Variants in GRAMD1B observed in about 807,000 individuals in gnomAD.
GRAMD1B encodes GRAM domain containing 1B.
In GRAMD1B, 37 loss-of-function variants were observed where a neutral mutation model predicts 99.7. That is an observed-to-expected ratio of 0.37 (90% CI 0.29 to 0.49). GRAMD1B has a LOEUF of 0.49. GRAMD1B is among the 20% of genes least tolerant of loss of function. GRAMD1B has a pLI of 0.98. For missense variants in GRAMD1B, 888 were observed against 1,009.2 expected, an observed-to-expected ratio of 0.88 and a Z score of 1.63; for synonymous variants, 427 against 387.6, an observed-to-expected ratio of 1.10 and a Z score of -1.19.
At chr11:123,539,405 C>T (rs1944290199) in intron 2 of GRAMD1B, among the ~76,000 whole-genome samples, 1 of 151,364 alleles carries the variant, frequency 6.6e-6, no homozygotes, top group South Asian at 2.1e-4. Context: ...AGTTCAAAAC[C>T]AGCTTAAGCA....
intron 1 of GRAMD1B, among the ~76,000 whole-genome samples, chr11:123,379,271 G>A (rs563328318): frequency 1.3e-5 from 2 of 152,242 alleles, no homozygotes; most frequent in East Asian, 3.9e-4. Context: ...TATTCAAATG[G>A]CATCTGCAAC....
chr11:123,446,921 G>A (rs1349739709), intron 1 of GRAMD1B, among the ~76,000 whole-genome samples: 3 of 151,180 alleles, frequency 2.0e-5, no homozygotes, highest in Admixed American at 2.0e-4. Flanking sequence ...AGAAAGAAAA[G>A]AAAAGAAAGG....
In GRAMD1B at chr11:123,577,482, G is replaced by T. The variant is rs748022861; in HGVS notation, c.568G>T (p.Asp190Tyr). The T allele has an allele frequency of 1.2e-5, 19 of 1,604,436 alleles. No homozygotes were observed. The highest frequency in any genetic ancestry group is 1.6e-5 in the Non-Finnish European group (19 of 1,175,732). The part of the protein sequence containing the change: ...DGDTMVEKGS[D>Y]HSSDKSPSTP... ...AGACACCATGGTGGAGAAGGGCTCA[G>T]ATCACTCCTCGGACAAGTCCCCGTC... Residue 190 changes from aspartate (D) to tyrosine (Y), a missense_variant, in exon 3 of 20, where the codon GAT becomes TAT. Asp to Tyr is a radical substitution (Grantham distance 160, BLOSUM62 -3). Transcript: ENST00000635736.
intron 1 of GRAMD1B, among the ~76,000 whole-genome samples, chr11:123,436,771 A>G (rs1394640902): frequency 1.3e-5 from 2 of 152,084 alleles, no homozygotes; most frequent in Non-Finnish European, 2.9e-5. Context: ...TTTTTATTAT[A>G]CTTTAAGTTT....
intron 2 of GRAMD1B, among the ~76,000 whole-genome samples, chr11:123,485,387 C>G (rs1951835019): frequency 6.6e-6 from 1 of 152,202 alleles, no homozygotes; most frequent in African/African-American, 2.4e-5. Flanking sequence ...CTACCTTACT[C>G]TACACAGCAG....
chr11:123,595,431 T>C (rs1951156655), intron 6 of GRAMD1B, among the ~76,000 whole-genome samples: 1 of 152,028 alleles, frequency 6.6e-6, no homozygotes, highest in African/African-American at 2.4e-5. Context: ...GTAGCTGGGA[T>C]TACAGGCATG....
At chr11:123,568,399 C>A (rs1947644665) in intron 2 of GRAMD1B, among the ~76,000 whole-genome samples, 1 of 152,338 alleles carries the variant, frequency 6.6e-6, no homozygotes, top group Admixed American at 6.5e-5. Flanking sequence ...CCAGTTCCAC[C>A]TTTGGTCCAA....
chr11:123,464,171 G>T (rs778030139), intron 1 of GRAMD1B, among the ~76,000 whole-genome samples: 6 of 152,084 alleles, frequency 3.9e-5, no homozygotes, highest in Admixed American at 3.3e-4. Context: ...GGGTGTGGTG[G>T]TGCACACCTG....
rs146712187 is a variant in GRAMD1B, at chr11:123,605,391, C to G, written c.1236C>G (p.Thr412=). 2.8e-5 allele frequency: 45 copies of G among 1,613,126 alleles called. No individual in the cohort carries two copies. The East Asian group carries it at 1.0e-3, about 36-fold the overall frequency. ...GCTCATCCAAGAGCAGCATAGAGAC[C>G]AAGCCAGATGCCAGTCCACAGCTGC... ...NDSSSKSSIE[T]KPDASPQLPK... Residue 412 remains threonine, a synonymous_variant, in exon 10 of 20, where the codon ACC becomes ACG. Coordinates refer to ENST00000635736, the MANE Select transcript of GRAMD1B (RefSeq NM_001387025.1).
At chr11:123,377,515 T>C (rs1454489688) in intron 1 of GRAMD1B, among the ~76,000 whole-genome samples, 2 of 152,174 alleles carry the variant, frequency 1.3e-5, no homozygotes, top group African/African-American at 4.8e-5. Flanking sequence ...GGGTCTGTGA[T>C]GCACAGGAAG....
At chr11:123,546,393 T>C (rs1945043693) in intron 2 of GRAMD1B, among the ~76,000 whole-genome samples, 1 of 152,264 alleles carries the variant, frequency 6.6e-6, no homozygotes, top group Non-Finnish European at 1.5e-5. Flanking sequence ...CTGAAAATGA[T>C]GCTGTTAGAC....
intron 1 of GRAMD1B, among the ~76,000 whole-genome samples, chr11:123,398,499 A>G (rs1334552570): frequency 1.3e-5 from 2 of 152,216 alleles, no homozygotes; most frequent in African/African-American, 2.4e-5. Context: ...AATCTAGGGG[A>G]CACATTCAAA....
rs757402779 is a variant in GRAMD1B, at chr11:123,492,697, G to A, written c.452+11804G>A. 1.6e-4 allele frequency among the ~76,000 whole-genome samples: 25 copies of A among 152,184 alleles called. No individual in the cohort carries two copies. Among genetic ancestry groups the A allele is most frequent in the South Asian group, 4.1e-4 (2 of 4,826 alleles). On this transcript the variant is annotated intron_variant, in intron 2 of 19. Transcript: ENST00000635736. This position sits in a 1 kb window ranked among gnomAD's most constrained non-coding sequence, Gnocchi z 4.2. ...TGTGTGTTTTTGCTTTTGTTTTGGC[G>A]TAAAGAGAAACATCACTGAGAAAGA...
At chr11:123,466,047 G>A (rs1200792519) in intron 1 of GRAMD1B, among the ~76,000 whole-genome samples, 2 of 151,486 alleles carry the variant, frequency 1.3e-5, no homozygotes, top group Non-Finnish European at 2.9e-5. Context: ...GGGCCTACGC[G>A]GGCGGATCAC....
chr11:123,439,581 C>T lies in GRAMD1B; in HGVS notation c.374+8415C>T, dbSNP rs547519602. On this transcript the variant is annotated intron_variant, in intron 1 of 19. Coordinates refer to ENST00000635736, the MANE Select transcript of GRAMD1B (RefSeq NM_001387025.1). The stretch of plus-strand genomic sequence containing the variant: ...GGTAGTCAGAGGGTATGAAGCCCTT[C>T]TGTGTCCTCTGTATGTCCTCAAGCT... Among the ~76,000 whole-genome samples the T allele has an allele frequency of 6.6e-5, 10 of 152,118 alleles. 1 individual carries two copies. Among genetic ancestry groups the T allele is most frequent in the Admixed American group, 4.6e-4 (7 of 15,260 alleles).
At position 123,613,760 on chromosome 11, in the gene GRAMD1B, A is replaced by T. The variant is rs1180480334; in HGVS notation, c.2227+102A>T. 5 of 749,522 alleles carry T rather than the reference A, an allele frequency of 6.7e-6. No individual in the cohort carries two copies. The East Asian group carries it at 1.3e-4, about 20-fold the overall frequency. 46.4% of individuals were successfully genotyped at this position (749,522 alleles called of 1,614,324 possible). On this transcript the variant is annotated intron_variant, in intron 16 of 19. Transcript: ENST00000635736. The stretch of plus-strand genomic sequence containing the variant: ...TGCACACTCATTTTGCACCTTGGCT[A>T]TAATTTGTATATAATTTGAACGTAA...
chr11:123,520,369 C>T (rs1013515780), intron 2 of GRAMD1B, among the ~76,000 whole-genome samples: 6 of 152,160 alleles, frequency 3.9e-5, no homozygotes, highest in African/African-American at 1.4e-4. Flanking sequence ...TGCCCTACCC[C>T]CTCTTTATCA....
intron 2 of GRAMD1B, among the ~76,000 whole-genome samples, chr11:123,517,787 G>T (rs116779150): frequency 0.025 from 3,743 of 152,224 alleles, 140 homozygotes; most frequent in African/African-American, 0.078. Flanking sequence ...ATGAGTTAAC[G>T]CTCAATTCAT....
intron 1 of GRAMD1B, among the ~76,000 whole-genome samples, chr11:123,468,457 C>T (rs1374001558): frequency 6.6e-6 from 1 of 152,102 alleles, no homozygotes; most frequent in Non-Finnish European, 1.5e-5. Flanking sequence ...GGAAATGAAT[C>T]ATTAATCGCT....
Sources: allele counts gnomAD v4.1 joint callset (sites outside exome capture counted in the v4.1 genomes callset), GRCh38; gene constraint gnomAD v4.1.1; non-coding constraint Gnocchi (gnomAD v3.1); transcripts MANE v1.5; gene names NCBI Gene and HGNC (gene_info 2026-07-23, HGNC 2026-07-21).